The following CLCN2 variants were observed in gnomAD, a reference collection of about 807,000 sequenced individuals.
CLCN2 encodes chloride voltage-gated channel 2.
In CLCN2, 72 loss-of-function variants were observed where a neutral mutation model predicts 108.3. The observed-to-expected ratio is 0.66, with a 90% CI of 0.55 to 0.81. CLCN2 has a LOEUF of 0.81. Ranked by LOEUF, CLCN2 falls within the 30% of genes least tolerant of loss-of-function variation. The pLI is 0.00. For missense variants in CLCN2, 1,048 were observed against 1,205.2 expected (o/e 0.87, Z 1.93); for synonymous variants, 471 against 467.1 (o/e 1.01, Z -0.11).
intron 10 of CLCN2, chr3:184,356,064 C>T (rs948218945): frequency 6.7e-6 from 3 of 445,764 alleles, no homozygotes; most frequent in South Asian, 2.1e-5. Context: ...TGGGGCCCTC[C>T]GAGTTGTTAT....
At position 184,358,766 on chromosome 3, in the gene CLCN2, C is replaced by T; in HGVS notation, c.268G>A (p.Asp90Asn). 1.2e-6 allele frequency: 2 copies of T among 1,610,804 alleles called. No individual in the cohort carries two copies. The highest frequency in any genetic ancestry group is 1.7e-5 in the Admixed American group (1 of 59,514). The change falls in exon 3 of 24, where the codon GAT (aspartate) becomes AAT (asparagine). Residue 90 changes from aspartate (D) to asparagine (N), a missense_variant. Transcript: ENST00000265593. ...HKFLVSRVGE[D>N]WIFLVLLGLL... ...CCCAGCAGGACCAGGAAGATCCAAT[C>T]TTCACCAACCCTGGATACTAGGAAC...
chr3:184,353,786 C>G lies in CLCN2; in HGVS notation c.1731G>C (p.Arg577=), dbSNP rs1327232858. The G allele has an allele frequency of 6.2e-7, 1 of 1,606,154 alleles. No homozygotes were observed. The highest frequency in any genetic ancestry group is 8.5e-7 in the Non-Finnish European group (1 of 1,176,946). The change falls in exon 16 of 24, where the codon CGG becomes CGC. Residue 577 remains arginine (R), a synonymous_variant. Transcript: ENST00000265593. ...ELGWGRHQQY[R]VRVEDIMVRD... ...GCACCATGATGTCCTCCACACGCACCCGGTACTGCCTGGGGGCCGAGAGAG... is the reference window on the plus strand; with the variant it reads ...GCACCATGATGTCCTCCACACGCACGCGGTACTGCCTGGGGGCCGAGAGAG...
Position 184,346,657 on chromosome 3 carries a change from A to T in CLCN2, c.2646T>A (p.His882Gln), listed in dbSNP as rs752409517. Residue 882 changes from histidine (H) to glutamine (Q), a missense_variant, in exon 24 of 24, where the codon CAT (histidine) becomes CAA (glutamine). His to Gln is a conservative substitution (Grantham distance 24, BLOSUM62 0). Transcript: ENST00000265593. This position sits in a 1 kb window ranked among gnomAD's most constrained non-coding sequence, Gnocchi z 6.0. ...VHALWGPHSR[H>Q]GLPREGSPSD... ...AAGGGCTGCCCTCCCGGGGGAGGCC[A>T]TGACGGGAGTGGGGCCCCCAGAGTG... 5 of 1,614,056 alleles carry T rather than the reference A, an allele frequency of 3.1e-6. No homozygotes were observed. Among genetic ancestry groups the T allele is most frequent in the Non-Finnish European group, 4.2e-6 (5 of 1,180,038 alleles).
At chr3:184,357,341 T>G (rs751679839) in intron 8 of CLCN2, 21 bp downstream of exon 8, 36 of 1,613,896 alleles carry the variant, frequency 2.2e-5, no homozygotes, top group Non-Finnish European at 2.8e-5. Context: ...CGGGCTGCCC[T>G]CATCCCCTGG....
chr3:184,355,409 C>T lies in CLCN2; in HGVS notation c.1291G>A (p.Val431Ile), dbSNP rs758705606. The change falls in exon 12 of 24, where the codon GTC (valine) becomes ATC (isoleucine). Residue 431 changes from valine (V) to isoleucine (I), a missense_variant. Transcript: ENST00000265593. This position sits in a 1 kb window ranked among gnomAD's most constrained non-coding sequence, Gnocchi z 6.3. ...ATGAAGATGACCAGGGTGAGGAAGA[C>T]GTTGGCACGTGGTGGGTTCCAGGCC... is the stretch of plus-strand genomic sequence containing the variant. ...SQAWNPPRANVFLTLVIFILM... is the reference protein window; with the variant it reads ...SQAWNPPRANIFLTLVIFILM... The T allele has an allele frequency of 5.0e-6, 8 of 1,613,856 alleles. No individual in the cohort carries two copies. Among genetic ancestry groups the T allele is most frequent in the South Asian group, 3.3e-5 (3 of 91,084 alleles).
chr3:184,361,585 G>C lies in CLCN2; in HGVS notation c.-106C>G. ...GGCAGCCGTCCCGTCCCCGCAGCCC[G>C]GGAGGCCGAGAGCAGAGTGCGGCGG... On this transcript the variant is annotated 5_prime_UTR_variant, in exon 1 of 24. Transcript: ENST00000265593. The surrounding 1 kb of genome is among the most constrained non-coding windows in gnomAD (Gnocchi z 6.6). 7.9e-7 allele frequency: 1 copy of C among 1,271,658 alleles called. No individual in the cohort carries two copies. Among genetic ancestry groups the C allele is most frequent in the Non-Finnish European group, 1.1e-6 (1 of 915,820 alleles). 78.8% of individuals were successfully genotyped at this position (1,271,658 alleles called of 1,614,324 possible).
In CLCN2 at chr3:184,352,097, C is replaced by T. The variant is rs1728145738; in HGVS notation, c.2331G>A (p.Gln777=). 3 of 1,613,648 alleles carry T rather than the reference C, an allele frequency of 1.9e-6. No homozygotes were observed. Among genetic ancestry groups the T allele is most frequent in the African/African-American group, 2.7e-5 (2 of 74,836 alleles). The change falls in exon 22 of 24, where the codon CAG becomes CAA. Residue 777 remains glutamine (Q), a synonymous_variant. Coordinates refer to ENST00000265593, the MANE Select transcript of CLCN2 (RefSeq NM_004366.6). The part of the protein sequence containing the change: ...SPEEILEWEE[Q]QLDEPVNFSD... ...TGAAGTTGACAGGTTCATCTAGTTG[C>T]TGCTCCTCCCACTCCAGAATCTGAG...
chr3:184,346,804 G>T lies in CLCN2; in HGVS notation c.2503-4C>A. The T allele has an allele frequency of 3.1e-6, 5 of 1,614,050 alleles. No individual in the cohort carries two copies. Among genetic ancestry groups the T allele is most frequent in the Non-Finnish European group, 2.5e-6 (3 of 1,180,010 alleles). On this transcript the variant is annotated splice_polypyrimidine_tract_variant and splice_region_variant and intron_variant, in intron 23 of 23. Coordinates refer to ENST00000265593, the MANE Select transcript of CLCN2 (RefSeq NM_004366.6). This position sits in a 1 kb window ranked among gnomAD's most constrained non-coding sequence, Gnocchi z 6.0. The stretch of plus-strand genomic sequence containing the variant: ...AGCCCTCGATGGCCTTCCGGAGCTG[G>T]AAAGGTGAGAGGGACAGATGTCTGG...
chr3:184,355,809 G>T lies in CLCN2; in HGVS notation c.1086-31C>A, dbSNP rs1196680240. 3 of 1,598,846 alleles carry T rather than the reference G, an allele frequency of 1.9e-6. No homozygotes were observed. The Admixed American group carries it at 5.0e-5, about 27-fold the overall frequency. On this transcript the variant is annotated intron_variant, in intron 10 of 23. Coordinates refer to ENST00000265593, the MANE Select transcript of CLCN2 (RefSeq NM_004366.6). The surrounding 1 kb of genome is among the most constrained non-coding windows in gnomAD (Gnocchi z 6.3). ...GTCGTAGGTTTCACATCAGTCGTGGGTGGCCAAGGGCTGGGTGGCCTCGCA... is the reference window on the plus strand; with the variant it reads ...GTCGTAGGTTTCACATCAGTCGTGGTTGGCCAAGGGCTGGGTGGCCTCGCA...
rs773441419 is a variant in CLCN2 at position 184,359,054 on chromosome 3, T to A, written c.141A>T (p.Glu47Asp). 1.2e-6 allele frequency: 2 copies of A among 1,613,558 alleles called. No homozygotes were observed. The highest frequency in any genetic ancestry group is 8.5e-7 in the Non-Finnish European group (1 of 1,180,020). Reference protein sequence around the residue: ...EAARIRLGGPEPWKGPPSSRA... With the variant: ...EAARIRLGGPDPWKGPPSSRA... ...GAGAGGAAGGGGGACCTTTCCAGGG[T>A]TCAGGCCCTCCCAGGCGAATCCGAG... The change falls in exon 2 of 24, where the codon GAA becomes GAT. Residue 47 changes from glutamate to aspartate, a missense_variant. Glu to Asp is a conservative substitution (Grantham distance 45, BLOSUM62 2). Transcript: ENST00000265593.
In CLCN2 at chr3:184,346,549, T is replaced by G; in HGVS notation, c.*57A>C. ...TTCCGAAGGCAGAAGGAATGAAAGA[T>G]GCACATTCTGGGCTGACGGGCATGG... On this transcript the variant is annotated 3_prime_UTR_variant, in exon 24 of 24. Transcript: ENST00000265593. This position sits in a 1 kb window ranked among gnomAD's most constrained non-coding sequence, Gnocchi z 6.0. 1 of 1,592,504 alleles carries G rather than the reference T, an allele frequency of 6.3e-7. No individual in the cohort carries two copies. The highest frequency in any genetic ancestry group is 1.1e-5 in the South Asian group (1 of 90,632).
intron 15 of CLCN2, 61 bp downstream of exon 15, chr3:184,354,031 TGGCTGTAGG>T: frequency 6.6e-7 from 1 of 1,511,182 alleles, no homozygotes; most frequent in South Asian, 1.1e-5. Flanking sequence ...TTGCTAGAGG[TGGCTGTAGG>T]GGGATCTAGG....
chr3:184,357,894 C>G (rs761358010), intron 5 of CLCN2, 38 bp from the exon 6 acceptor site: 3 of 1,613,432 alleles, frequency 1.9e-6, no homozygotes, highest in Non-Finnish European at 2.5e-6. Context: ...GGAGGGGGCC[C>G]GCCCTGACCT....
chr3:184,357,530 C>A, intron 7 of CLCN2, 43 bp from the exon 8 acceptor site: 1 of 1,614,062 alleles, frequency 6.2e-7, no homozygotes, highest in Non-Finnish European at 8.5e-7. Flanking sequence ...CTGGGCCTGG[C>A]CTAAGGCCTC....
chr3:184,356,660 G>T, intron 10 of CLCN2: 2 of 239,358 alleles, frequency 8.4e-6, no homozygotes, highest in Non-Finnish European at 1.6e-5. Context: ...AAAAAAAAGA[G>T]ATCTCATCTA....
Position 184,358,074 on chromosome 3 carries a change from T to A in CLCN2, c.503A>T (p.Lys168Met). Reference sequence around the variant, plus strand: ...CAGCACCACTCCCCGCAAGATGGTCTTCATCTCAGGGATGCCAGAGCCTGG... The same window carrying A: ...CAGCACCACTCCCCGCAAGATGGTCATCATCTCAGGGATGCCAGAGCCTGG... The part of the protein sequence containing the change: ...QAVGSGIPEM[K>M]TILRGVVLKE... Residue 168 changes from lysine (K) to methionine (M), a missense_variant, in exon 5 of 24, where the codon AAG becomes ATG. Lys to Met is a moderately conservative substitution (Grantham distance 95). Coordinates refer to ENST00000265593, the MANE Select transcript of CLCN2 (RefSeq NM_004366.6). 6.2e-7 allele frequency: 1 copy of A among 1,614,114 alleles called. No homozygotes were observed. The highest frequency in any genetic ancestry group is 8.5e-7 in the Non-Finnish European group (1 of 1,180,034).
chr3:184,354,274 G>A lies in CLCN2; in HGVS notation c.1548C>T (p.Ser516=). The part of the protein sequence containing the change: ...ALAGAVTHTV[S]TAVIVFELTG... ...TGAGCTCGAACACGATCACAGCCGT[G>A]GACACTGTGTGTGTCACCGCTCCTG... is the stretch of plus-strand genomic sequence containing the variant. The change falls in exon 15 of 24, where the codon TCC becomes TCT. Residue 516 remains serine (S), a synonymous_variant. Transcript: ENST00000265593. 6.2e-7 allele frequency: 1 copy of A among 1,613,022 alleles called. No homozygotes were observed.
chr3:184,354,160 G>T lies in CLCN2; in HGVS notation c.1662C>A (p.Asp554Glu), dbSNP rs753047668. ...VAQSLQPSLY[D>E]SIIRIKKLPY... ...GCAGTTTCTTGATTCGGATGATGCT[G>T]TCATAGAGGGAGGGCTGCAGACTCT... Residue 554 changes from aspartate (D) to glutamate (E), a missense_variant, in exon 15 of 24, where the codon GAC becomes GAA. Coordinates refer to ENST00000265593, the MANE Select transcript of CLCN2 (RefSeq NM_004366.6). 8.1e-6 allele frequency: 13 copies of T among 1,613,106 alleles called. No homozygotes were observed. Among genetic ancestry groups the T allele is most frequent in the Non-Finnish European group, 1.0e-5 (12 of 1,179,970 alleles).
In CLCN2 at chr3:184,354,519, C is replaced by T. The variant is rs868395489; in HGVS notation, c.1507+29G>A. The stretch of plus-strand genomic sequence containing the variant: ...GCTGGGGCGTGGGTGGGGGGGTCTC[C>T]CAAGGCCGATGGGACCTGAGGCACT... On this transcript the variant is annotated intron_variant, in intron 14 of 23. Transcript: ENST00000265593. 26 of 1,588,692 alleles carry T rather than the reference C, an allele frequency of 1.6e-5. No individual in the cohort carries two copies. In the Middle Eastern group the frequency reaches 4.3e-3, roughly 264 times the overall value.
Sources: allele counts gnomAD v4.1 joint callset, GRCh38; gene constraint gnomAD v4.1.1; non-coding constraint Gnocchi (gnomAD v3.1); transcripts MANE v1.5; gene names NCBI Gene and HGNC (gene_info 2026-07-23, HGNC 2026-07-21).